Variants in MMP26 observed in about 807,000 individuals in gnomAD.
MMP26 encodes the protein matrix metallopeptidase 26, also known as matrix metalloproteinase-26.
MMP26 carries 33 observed loss-of-function variants against 31.0 expected under a neutral mutation model. That is an observed-to-expected ratio of 1.06 (90% CI 0.81 to 1.42). The LOEUF is 1.42. MMP26 is among the 40% of genes most tolerant of loss of function. The pLI is 0.00. For synonymous variants in MMP26, 122 were observed against 114.9 expected (o/e 1.06, Z -0.40); for missense variants, 347 against 316.1 (o/e 1.10, Z -0.74).
At position 4,865,283 on chromosome 11, in the gene MMP26, T is replaced by A. The variant is rs1298636209; in HGVS notation, c.-145+97942T>A. ...TCTACTAGCATCAGAGGTCTGGTTTTCTTTTACATTAGGAAAAAAGGTGTA... is the reference window on the plus strand; with the variant it reads ...TCTACTAGCATCAGAGGTCTGGTTTACTTTTACATTAGGAAAAAAGGTGTA... On this transcript the variant is annotated intron_variant, in intron 2 of 7. Coordinates refer to ENST00000380390, the MANE Select transcript of MMP26 (RefSeq NM_021801.5). Among the ~76,000 whole-genome samples, 3 of 152,246 alleles carry A rather than the reference T, an allele frequency of 2.0e-5. No individual in the cohort carries two copies. The East Asian group carries it at 5.8e-4, about 29-fold the overall frequency.
intron 2 of MMP26, chr11:4,943,409 G>A: frequency 2.2e-6 from 1 of 453,498 alleles, no homozygotes; most frequent in South Asian, 1.6e-5. Context: ...CCTAGGTGCT[G>A]TGTAGGTGAG....
chr11:4,920,093 T>C (rs1045057659), intron 2 of MMP26, among the ~76,000 whole-genome samples: 4 of 152,128 alleles, frequency 2.6e-5, no homozygotes, highest in African/African-American at 4.8e-5. Context: ...GAAGAAGGCA[T>C]TTTAGAGAGA....
chr11:4,935,454 T>G (rs1367997856), intron 2 of MMP26, among the ~76,000 whole-genome samples: 7 of 151,410 alleles, frequency 4.6e-5, no homozygotes, highest in African/African-American at 1.7e-4. Context: ...TGAAGTTGCT[T>G]ATCAGCTTAA....
At chr11:4,848,722 G>A (rs769830257) in intron 2 of MMP26, 5 of 1,614,100 alleles carry the variant, frequency 3.1e-6, no homozygotes, top group South Asian at 2.2e-5. Context: ...GGCAGATGGA[G>A]ACCCAGGCAT....
At chr11:4,960,465 G>A (rs1846505880) in intron 2 of MMP26, among the ~76,000 whole-genome samples, 2 of 151,442 alleles carry the variant, frequency 1.3e-5, no homozygotes, top group Admixed American at 1.3e-4. Context: ...CAAACATCCA[G>A]CCTCTGTAAC....
intron 2 of MMP26, among the ~76,000 whole-genome samples, chr11:4,808,807 T>C (rs1254898924): frequency 6.6e-6 from 1 of 150,710 alleles, no homozygotes; most frequent in Middle Eastern, 3.2e-3. Context: ...TGCCCTGGTA[T>C]CCAAGACTGA....
Position 4,990,692 on chromosome 11 carries a change from T to A in MMP26, c.415T>A (p.Phe139Ile), listed in dbSNP as rs1349637913. 6.2e-7 allele frequency: 1 copy of A among 1,614,156 alleles called. No individual in the cohort carries two copies. Among genetic ancestry groups the A allele is most frequent in the South Asian group, 1.1e-5 (1 of 91,086 alleles). ...CTGGAGCAATGTGACCCCTTTGATA[T>A]TCCAGCAAGTGCAGAATGGAGATGC... is the stretch of plus-strand genomic sequence containing the variant. Reference protein sequence around the residue: ...SIWSNVTPLIFQQVQNGDADI... With the variant: ...SIWSNVTPLIIQQVQNGDADI... Residue 139 changes from phenylalanine (F) to isoleucine (I), a missense_variant, in exon 5 of 8, where the codon TTC (phenylalanine) becomes ATC (isoleucine). Physicochemically the swap from Phe to Ile is conservative, Grantham distance 21 (BLOSUM62 0). Coordinates refer to ENST00000380390, the MANE Select transcript of MMP26 (RefSeq NM_021801.5).
rs552065549 is a variant in MMP26 at position 4,708,234 on chromosome 11, T to A, written c.-217+3189T>A. ...TCGAAGATCCATAGCTTTTGTTTTG[T>A]CTTGCATTGCCTCTCAATTCAAAAT... On this transcript the variant is annotated intron_variant, in intron 1 of 7. Transcript: ENST00000380390. Among the ~76,000 whole-genome samples the A allele has an allele frequency of 1.1e-3, 175 of 152,320 alleles. 1 individual carries two copies. The highest frequency in any genetic ancestry group is 4.0e-3 in the African/African-American group (168 of 41,564).
chr11:4,921,519 G>A (rs1223090427), intron 2 of MMP26, among the ~76,000 whole-genome samples: 3 of 152,206 alleles, frequency 2.0e-5, no homozygotes, highest in Non-Finnish European at 4.4e-5. Flanking sequence ...GTGTAGTTAC[G>A]GAAGGTTTCT....
intron 2 of MMP26, among the ~76,000 whole-genome samples, chr11:4,794,668 G>A (rs1033899578): frequency 5.9e-5 from 9 of 152,026 alleles, no homozygotes; most frequent in African/African-American, 2.2e-4. Context: ...AGATAAGGTG[G>A]GCTATTTTGC....
intron 2 of MMP26, among the ~76,000 whole-genome samples, chr11:4,960,745 A>G (rs116028790): frequency 0.025 from 3,801 of 152,108 alleles, 165 homozygotes; most frequent in African/African-American, 0.087. Flanking sequence ...TTTAAAATAT[A>G]TTTATTTACA....
chr11:4,968,214 T>C (rs1846621121), intron 2 of MMP26, among the ~76,000 whole-genome samples: 1 of 152,158 alleles, frequency 6.6e-6, no homozygotes, highest in Admixed American at 6.5e-5. Flanking sequence ...TTCACAAATT[T>C]CTATTAACTT....
intron 2 of MMP26, among the ~76,000 whole-genome samples, chr11:4,809,697 C>T (rs1188232072): frequency 6.6e-6 from 1 of 152,182 alleles, no homozygotes; most frequent in Non-Finnish European, 1.5e-5. Flanking sequence ...AGTATTCCTA[C>T]CTTTCTCAGG....
chr11:4,771,522 C>T (rs1848720307), intron 2 of MMP26, among the ~76,000 whole-genome samples: 1 of 152,050 alleles, frequency 6.6e-6, no homozygotes, highest in Admixed American at 6.6e-5. Context: ...TGCTATATCG[C>T]CTCTTTCAAG....
rs368036565 is a variant in MMP26, at chr11:4,741,361, T to C, written c.-216-25909T>C. On this transcript the variant is annotated intron_variant, in intron 1 of 7. Coordinates refer to ENST00000380390, the MANE Select transcript of MMP26 (RefSeq NM_021801.5). ...AAAGACACATGCACATGTATGTTTA[T>C]TGCAGCACTGTTTACAATAGCAAAG... 1.3e-3 allele frequency among the ~76,000 whole-genome samples: 191 copies of C among 152,338 alleles called. 1 individual carries two copies. Among genetic ancestry groups the C allele is most frequent in the African/African-American group, 4.0e-3 (166 of 41,572 alleles).
At chr11:4,735,077 TG>T (rs1347478658) in intron 1 of MMP26, among the ~76,000 whole-genome samples, 11 of 152,278 alleles carry the variant, frequency 7.2e-5, no homozygotes, top group Admixed American at 2.0e-4. Flanking sequence ...GAGGAGGGTC[TG>T]GGGGAAGAAG....
At chr11:4,983,502 C>T (rs1019281310) in intron 2 of MMP26, among the ~76,000 whole-genome samples, 4 of 152,092 alleles carry the variant, frequency 2.6e-5, no homozygotes, top group South Asian at 2.1e-4. Context: ...TTCAAAATTA[C>T]GTTTTCTCAT....
At chr11:4,837,041 C>G (rs1260502978) in intron 2 of MMP26, among the ~76,000 whole-genome samples, 1 of 151,930 alleles carries the variant, frequency 6.6e-6, no homozygotes, top group Non-Finnish European at 1.5e-5. Flanking sequence ...CCTGTATTTG[C>G]TTGAGAGTTG....
chr11:4,891,692 A>G (rs1245603506), intron 2 of MMP26, among the ~76,000 whole-genome samples: 1 of 152,172 alleles, frequency 6.6e-6, no homozygotes, highest in Non-Finnish European at 1.5e-5. Context: ...AATGATTACA[A>G]TGTCCTTATG....
Sources: gnomAD v4.1 joint callset for allele counts (sites outside exome capture counted in the v4.1 genomes callset) on GRCh38, gnomAD v4.1.1 for gene constraint, MANE v1.5 for transcripts, NCBI Gene and HGNC (gene_info 2026-07-23, HGNC 2026-07-21) for gene names.